SLCO1C1: variants seen among roughly 807,000 people sequenced by gnomAD.
SLCO1C1 encodes the protein solute carrier organic anion transporter family member 1C1, also known as OAT-RP-5.
In SLCO1C1, 70 loss-of-function variants were observed where a neutral mutation model predicts 76.4. That is an observed-to-expected ratio of 0.92 (90% CI 0.76 to 1.12). The LOEUF (loss-of-function observed/expected upper bound fraction) is 1.12. Among genes scored for constraint, SLCO1C1 ranks in the 50% most tolerant of loss-of-function variants. SLCO1C1 has a pLI of 0.00. For synonymous variants in SLCO1C1, 306 were observed against 286.1 expected (o/e 1.07, Z -0.70); for missense variants, 912 against 823.8 (o/e 1.11, Z -1.31).
rs527945122 is a variant in SLCO1C1, at chr12:20,714,688, C to T, written c.530-451C>T. On this transcript the variant is annotated intron_variant, in intron 5 of 14. Transcript: ENST00000266509. ...TGAATTTCAGATAAAACTGGGTCAA[C>T]AATAAGATTACTTATGATTTCTGCT... Among the ~76,000 whole-genome samples, 5 of 152,168 alleles carry T rather than the reference C, an allele frequency of 3.3e-5. No homozygotes were observed. In the East Asian group the frequency reaches 9.7e-4, roughly 29 times the overall value.
intron 10 of SLCO1C1, among the ~76,000 whole-genome samples, chr12:20,734,788 C>G (rs562755003): frequency 1.3e-5 from 2 of 152,204 alleles, no homozygotes; most frequent in Non-Finnish European, 2.9e-5. Flanking sequence ...GAGTACTAGC[C>G]TCTTCAAAGG....
At chr12:20,738,461 T>C (rs1948650736) in intron 11 of SLCO1C1, among the ~76,000 whole-genome samples, 1 of 152,172 alleles carries the variant, frequency 6.6e-6, no homozygotes, top group African/African-American at 2.4e-5. Context: ...ATACTTAGGC[T>C]GTATATCCAC....
chr12:20,716,033 C>T (rs932488951), intron 6 of SLCO1C1, among the ~76,000 whole-genome samples: 7 of 152,088 alleles, frequency 4.6e-5, no homozygotes, highest in African/African-American at 2.4e-5. Context: ...ACATCAGTCT[C>T]GATTTCTTGA....
chr12:20,745,490 A>G (rs1331308963), intron 13 of SLCO1C1, among the ~76,000 whole-genome samples: 11 of 152,290 alleles, frequency 7.2e-5, no homozygotes, highest in African/African-American at 2.6e-4. Flanking sequence ...CTTGGAATTA[A>G]TATTTTTAGT....
chr12:20,728,138 T>C (rs963453396), intron 9 of SLCO1C1, among the ~76,000 whole-genome samples: 2 of 152,332 alleles, frequency 1.3e-5, no homozygotes, highest in Non-Finnish European at 1.5e-5. Flanking sequence ...AGGATTTTTA[T>C]AGTTTAAATT....
At chr12:20,735,411 CAAGT>C (rs1948492904) in intron 10 of SLCO1C1, among the ~76,000 whole-genome samples, 6 of 152,124 alleles carry the variant, frequency 3.9e-5, no homozygotes, top group Admixed American at 3.9e-4. Context: ...CTTGATCTGC[CAAGT>C]AAGAGGTTGG....
intron 3 of SLCO1C1, among the ~76,000 whole-genome samples, chr12:20,705,351 C>T (rs10505868): frequency 0.64 from 96,927 of 151,716 alleles, 31,243 homozygotes; most frequent in East Asian, 0.8. Flanking sequence ...AATTGATGTA[C>T]ACCTGAAGTC....
intron 7 of SLCO1C1, 91 bp downstream of exon 7, chr12:20,717,321 T>G: frequency 1.0e-6 from 1 of 995,046 alleles, no homozygotes; most frequent in Non-Finnish European, 1.5e-6. Flanking sequence ...ATTGCCTTTT[T>G]ATAAAATGAT....
At chr12:20,750,998 C>A (rs1275288774) in intron 14 of SLCO1C1, 3 of 954,440 alleles carry the variant, frequency 3.1e-6, no homozygotes, top group Non-Finnish European at 4.6e-6. Flanking sequence ...ACCTTGACCC[C>A]CATTTTAAAT....
At chr12:20,731,914 A>G (rs1274940186) in intron 9 of SLCO1C1, among the ~76,000 whole-genome samples, 1 of 152,206 alleles carries the variant, frequency 6.6e-6, no homozygotes, top group East Asian at 1.9e-4. Flanking sequence ...CAAATAATGG[A>G]ATTTAGTTAC....
intron 9 of SLCO1C1, among the ~76,000 whole-genome samples, chr12:20,728,053 A>G (rs546393728): frequency 1.3e-5 from 2 of 152,068 alleles, no homozygotes; most frequent in African/African-American, 4.8e-5. Flanking sequence ...GCTTTGTTGC[A>G]GTTGCTTTTG....
Position 20,750,841 on chromosome 12 carries a change from T to G in SLCO1C1, c.1916+49T>G, listed in dbSNP as rs1949267967. On this transcript the variant is annotated intron_variant, in intron 14 of 14. Coordinates refer to ENST00000266509, the MANE Select transcript of SLCO1C1 (RefSeq NM_017435.5). ...CATCTCATTGCTACAGCATCCCAGA[T>G]TTACACAATGCCACTGACACTAACA... The G allele has an allele frequency of 3.1e-6, 5 of 1,613,920 alleles. No individual in the cohort carries two copies. In the East Asian group the frequency reaches 1.1e-4, roughly 36 times the overall value.
In SLCO1C1 at chr12:20,721,980, A is replaced by G; in HGVS notation, c.952A>G (p.Ile318Val). 1 of 1,614,146 alleles carries G rather than the reference A, an allele frequency of 6.2e-7. No homozygotes were observed. The change falls in exon 8 of 15, where the codon ATT becomes GTT. Residue 318 changes from isoleucine (I) to valine (V), a missense_variant. Physicochemically the swap from Ile to Val is conservative, Grantham distance 29. Coordinates refer to ENST00000266509, the MANE Select transcript of SLCO1C1 (RefSeq NM_017435.5). ...SNSSSEKSKF[I>V]IDDHTDYQTP... ...TTCTTCCTCTGAGAAATCCAAGTTT[A>G]TTATAGATGATCACACAGACTACCA...
chr12:20,726,243 T>A, intron 9 of SLCO1C1, among the ~76,000 whole-genome samples: 1 of 143,510 alleles, frequency 7.0e-6, no homozygotes, highest in African/African-American at 2.7e-5. Flanking sequence ...TCAACCTCTC[T>A]TTTTCTTATT....
At chr12:20,730,473 G>C (rs10770713) in intron 9 of SLCO1C1, among the ~76,000 whole-genome samples, 142,309 of 152,178 alleles carry the variant, frequency 0.94, 67,296 homozygotes, top group East Asian at 1. Context: ...CATTAATTAA[G>C]TTGGGTCCTA....
intron 14 of SLCO1C1, 73 bp from the exon 15 acceptor site, chr12:20,752,233 T>A (rs1392637305): frequency 1.0e-6 from 1 of 985,396 alleles, no homozygotes; most frequent in Admixed American, 2.7e-5. Flanking sequence ...ATCAGTATGA[T>A]ATTATTACCT....
Position 20,743,359 on chromosome 12 carries a change from A to G in SLCO1C1, c.1788A>G (p.Ile596Met). 1 of 1,612,650 alleles carries G rather than the reference A, an allele frequency of 6.2e-7. No homozygotes were observed. The highest frequency in any genetic ancestry group is 8.5e-7 in the Non-Finnish European group (1 of 1,179,134). The change falls in exon 13 of 15, where the codon ATA becomes ATG. Residue 596 changes from isoleucine to methionine, a missense_variant. Transcript: ENST00000266509. ...CCTTGGGTATCTACACATTAGCAATAAGAGTTCTTGGTAAGTTTAACCTAT... is the reference window on the plus strand; with the variant it reads ...CCTTGGGTATCTACACATTAGCAATGAGAGTTCTTGGTAAGTTTAACCTAT... The part of the protein sequence containing the change: ...SFALGIYTLA[I>M]RVLAGIPAPV...
intron 10 of SLCO1C1, among the ~76,000 whole-genome samples, chr12:20,736,340 G>A (rs1446707346): frequency 2.6e-5 from 4 of 151,368 alleles, no homozygotes; most frequent in African/African-American, 9.7e-5. Context: ...CAATTTTGGG[G>A]GGGGGTGCAA....
At chr12:20,721,733 T>C in intron 7 of SLCO1C1, 71 bp from the exon 8 acceptor site, 1 of 1,500,148 alleles carries the variant, frequency 6.7e-7, no homozygotes, top group Non-Finnish European at 8.9e-7. Flanking sequence ...CAAGAATTTA[T>C]TTTTAAGTAT....
Sources: gnomAD v4.1 joint callset for allele counts (sites outside exome capture counted in the v4.1 genomes callset) on GRCh38, gnomAD v4.1.1 for gene constraint, MANE v1.5 for transcripts, NCBI Gene and HGNC (gene_info 2026-07-23, HGNC 2026-07-21) for gene names.